The following RAPH1 variants were observed in gnomAD, a reference collection of about 807,000 sequenced individuals.
RAPH1 encodes ras-associated and pleckstrin homology domains-containing protein 1.
RAPH1 carries 18 observed loss-of-function variants against 88.1 expected under a neutral mutation model. The observed-to-expected ratio is 0.20, with a 90% confidence interval of 0.14 to 0.30. RAPH1 has a LOEUF of 0.30. RAPH1 is among the 10% of genes least tolerant of loss of function. The pLI, the probability that RAPH1 is intolerant of heterozygous loss-of-function variation, is 1.00. For synonymous variants in RAPH1, 587 were observed against 559.0 expected, an observed-to-expected ratio of 1.05 and a Z score of -0.71; for missense variants, 1,448 against 1,543.2, an observed-to-expected ratio of 0.94 and a Z score of 1.03.
At chr2:203,447,764 C>G in intron 12 of RAPH1, 195 bp downstream of exon 12, 1 of 425,678 alleles carries the variant, frequency 2.3e-6, no homozygotes. Context: ...TTTTTCATTT[C>G]AAATACATTT....
At chr2:203,475,448 C>T (rs1207513654) in intron 4 of RAPH1, among the ~76,000 whole-genome samples, 1 of 152,038 alleles carries the variant, frequency 6.6e-6, no homozygotes, top group Non-Finnish European at 1.5e-5. Context: ...GAAAAATCTA[C>T]ACTGTAAAAA....
rs1284585220 is a variant in RAPH1, at chr2:203,433,728, G to A, written c.*5709C>T. The A allele has an allele frequency of 6.6e-6, 1 of 152,176 alleles. No individual in the cohort carries two copies. Among genetic ancestry groups the A allele is most frequent in the Non-Finnish European group, 1.5e-5 (1 of 68,030 alleles). The allele number at this position is 152,176 out of a possible 1,614,324, so 9.4% of individuals were successfully genotyped here. ...ATTTACCACACTTAATTTCTTCTGT[G>A]TATGGCCTATGTTTTGGGTACCCTG... On this transcript the variant is annotated 3_prime_UTR_variant, in exon 14 of 14. Transcript: ENST00000319170.
At chr2:203,508,390 C>G (rs1169780879) in intron 1 of RAPH1, among the ~76,000 whole-genome samples, 1 of 152,028 alleles carries the variant, frequency 6.6e-6, no homozygotes, top group African/African-American at 2.4e-5. Context: ...GCCTCGGCCT[C>G]CCAAAGTGTT....
intron 1 of RAPH1, among the ~76,000 whole-genome samples, chr2:203,530,462 AG>A (rs1321954830): frequency 6.6e-6 from 1 of 152,220 alleles, no homozygotes; most frequent in Non-Finnish European, 1.5e-5. Flanking sequence ...TACAGTCTTC[AG>A]GATACTCTTC....
Position 203,435,130 on chromosome 2 carries a change from C to T in RAPH1, c.*4307G>A, listed in dbSNP as rs534230431. On this transcript the variant is annotated 3_prime_UTR_variant, in exon 14 of 14. Coordinates refer to ENST00000319170, the MANE Select transcript of RAPH1 (RefSeq NM_213589.3). The stretch of plus-strand genomic sequence containing the variant: ...TTTTTATTTATCAAGTTTTATTCTA[C>T]AGCTAAATTTCAGATTTCTTTTACA... The T allele has an allele frequency of 6.6e-6, 1 of 152,544 alleles. No individual in the cohort carries two copies. Among genetic ancestry groups the T allele is most frequent in the East Asian group, 1.9e-4 (1 of 5,184 alleles). 9.4% of individuals were successfully genotyped at this position (152,544 alleles called of 1,614,324 possible). A position where few individuals can be genotyped will look rare whatever the true frequency, so the allele number is the denominator to read the frequency against.
At chr2:203,498,371 T>C (rs1217711434) in intron 1 of RAPH1, among the ~76,000 whole-genome samples, 1 of 152,220 alleles carries the variant, frequency 6.6e-6, no homozygotes, top group Non-Finnish European at 1.5e-5. Context: ...CTGTGATGTA[T>C]GAACATCGTA....
intron 1 of RAPH1, among the ~76,000 whole-genome samples, chr2:203,533,868 G>A (rs1690497525): frequency 6.6e-6 from 1 of 152,110 alleles, no homozygotes; most frequent in African/African-American, 2.4e-5. Context: ...ATCTGGGGAG[G>A]TAAACAGGTG....
chr2:203,481,363 C>G (rs551627006), intron 4 of RAPH1, among the ~76,000 whole-genome samples: 17 of 152,182 alleles, frequency 1.1e-4, no homozygotes, highest in African/African-American at 3.9e-4. Flanking sequence ...TAACCATGCC[C>G]TCCACAAGGT....
intron 10 of RAPH1, among the ~76,000 whole-genome samples, chr2:203,453,409 G>A (rs2098516417): frequency 6.6e-6 from 1 of 151,766 alleles, no homozygotes; most frequent in African/African-American, 2.4e-5. Context: ...AGCTGGGTGT[G>A]GTGGCATGCA....
rs766658783 is a variant in RAPH1, at chr2:203,448,877, A to G, written c.1414-41T>C. The G allele has an allele frequency of 4.3e-6, 6 of 1,392,732 alleles. No homozygotes were observed. The South Asian group carries it at 7.4e-5, about 17-fold the overall frequency. 86.3% of individuals were successfully genotyped at this position (1,392,732 alleles called of 1,614,324 possible). ...CAAAATCCAACTAAGTCCCTTGGAG[A>G]ACTAAAGAAAAACAAACTTTATCAA... On this transcript the variant is annotated intron_variant, in intron 10 of 13. Coordinates refer to ENST00000319170, the MANE Select transcript of RAPH1 (RefSeq NM_213589.3). This position sits in a 1 kb window ranked among gnomAD's most constrained non-coding sequence, Gnocchi z 4.1.
intron 10 of RAPH1, among the ~76,000 whole-genome samples, chr2:203,451,728 C>G: frequency 6.6e-6 from 1 of 152,150 alleles, no homozygotes; most frequent in Non-Finnish European, 1.5e-5. Context: ...AGTGCAGGCC[C>G]CTATGGCTAT....
intron 4 of RAPH1, among the ~76,000 whole-genome samples, chr2:203,467,704 T>C (rs2469951): frequency 0.11 from 16,039 of 152,172 alleles, 1,727 homozygotes; most frequent in African/African-American, 0.27. Context: ...GTTTTGGTAT[T>C]GATTTGGGTC....
chr2:203,485,838 T>G (rs950989904), intron 4 of RAPH1, among the ~76,000 whole-genome samples: 1 of 151,940 alleles, frequency 6.6e-6, no homozygotes. Flanking sequence ...CTAAACATCC[T>G]ACAGTGCATG....
chr2:203,473,862 T>C (rs542263789), intron 4 of RAPH1, among the ~76,000 whole-genome samples: 1 of 152,332 alleles, frequency 6.6e-6, no homozygotes, highest in African/African-American at 2.4e-5. Flanking sequence ...TTTATTTCTC[T>C]GTTTTCCTCT....
At chr2:203,441,772 G>A (rs751972133) in intron 13 of RAPH1, 57 of 1,276,770 alleles carry the variant, frequency 4.5e-5, no homozygotes, top group East Asian at 1.3e-4. Flanking sequence ...CCTCTGTGGC[G>A]GTCCTCTGAG....
chr2:203,440,698 G>C lies in RAPH1; in HGVS notation c.2492C>G (p.Pro831Arg). 2.5e-6 allele frequency: 4 copies of C among 1,595,882 alleles called. No homozygotes were observed. The highest frequency in any genetic ancestry group is 2.6e-6 in the Non-Finnish European group (3 of 1,170,658). Reference sequence around the variant, plus strand: ...TGTTGGCGGGGGTACTGGAACAGGAGGGGTAGGGGGAGAGGGTGGAATGTA... The same window carrying C: ...TGTTGGCGGGGGTACTGGAACAGGACGGGTAGGGGGAGAGGGTGGAATGTA... ...ASYIPPSPPT[P>R]PVPVPPPTLP... Residue 831 changes from proline (P) to arginine (R), a missense_variant, in exon 14 of 14, where the codon CCT (proline) becomes CGT (arginine). Around this residue, in one of 2 missense-constraint regions of RAPH1, gnomAD observed 935 missense variants for 890.1 expected, o/e 1.05. Coordinates refer to ENST00000319170, the MANE Select transcript of RAPH1 (RefSeq NM_213589.3).
In RAPH1 at chr2:203,434,056, C is replaced by CTATCTATCTATATATATATATATATA. The variant is rs1488308709; in HGVS notation, c.*5380_*5381insTATATATATATATATATAGATAGATA. ...CTCTCTCATATATCTATCTATCTAT[C>CTATCTATCTATATATATATATATATA]TATATATATATATATATATATATAG... On this transcript the variant is annotated 3_prime_UTR_variant, in exon 14 of 14. Coordinates refer to ENST00000319170, the MANE Select transcript of RAPH1 (RefSeq NM_213589.3). 6.9e-6 allele frequency: 1 copy of CTATCTATCTATATATATATATATATA among 145,646 alleles called. No individual in the cohort carries two copies. The highest frequency in any genetic ancestry group is 2.5e-5 in the African/African-American group (1 of 39,222). 9.0% of individuals were successfully genotyped at this position (145,646 alleles called of 1,614,324 possible). A position where few individuals can be genotyped will look rare whatever the true frequency, so the allele number is the denominator to read the frequency against.
Position 203,437,265 on chromosome 2 carries a change from T to C in RAPH1, c.*2172A>G, listed in dbSNP as rs182323841. On this transcript the variant is annotated 3_prime_UTR_variant, in exon 14 of 14. Coordinates refer to ENST00000319170, the MANE Select transcript of RAPH1 (RefSeq NM_213589.3). ...TTTTCCCCCTCAAGAAAAACTGAAG[T>C]GTTGTCTACCTTCTCATGAGAAAAT... 1 of 152,232 alleles carries C rather than the reference T, an allele frequency of 6.6e-6. No individual in the cohort carries two copies. Among genetic ancestry groups the C allele is most frequent in the East Asian group, 1.9e-4 (1 of 5,180 alleles). 9.4% of individuals were successfully genotyped at this position (152,232 alleles called of 1,614,324 possible). A position where few individuals can be genotyped will look rare whatever the true frequency, so the allele number is the denominator to read the frequency against.
intron 4 of RAPH1, among the ~76,000 whole-genome samples, chr2:203,481,265 G>C (rs1687707484): frequency 6.6e-6 from 1 of 151,994 alleles, no homozygotes; most frequent in South Asian, 2.1e-4. Flanking sequence ...GGTGGTATGA[G>C]CTCTACAACC....
Sources: allele counts gnomAD v4.1 joint callset (sites outside exome capture counted in the v4.1 genomes callset), GRCh38; gene constraint gnomAD v4.1.1; regional missense constraint gnomAD v4.1.1; non-coding constraint Gnocchi (gnomAD v3.1); transcripts MANE v1.5; gene names NCBI Gene and HGNC (gene_info 2026-07-23, HGNC 2026-07-21).